CALCR: variants seen among roughly 807,000 people sequenced by gnomAD.
CALCR encodes calcitonin receptor.
CALCR carries 47 observed loss-of-function variants against 59.5 expected under a neutral mutation model. The observed-to-expected ratio is 0.79, with a 90% CI of 0.63 to 1.01. The LOEUF (loss-of-function observed/expected upper bound fraction) is 1.01. Ranked by LOEUF, CALCR falls within the 50% of genes least tolerant of loss-of-function variation. The pLI is 0.00. For synonymous variants in CALCR, 213 were observed against 211.3 expected, an observed-to-expected ratio of 1.01 and a Z score of -0.07; for missense variants, 566 against 597.1, an observed-to-expected ratio of 0.95 and a Z score of 0.54.
chr7:93,554,739 A>G (rs1789547382), intron 2 of CALCR, among the ~76,000 whole-genome samples: 1 of 145,284 alleles, frequency 6.9e-6, no homozygotes, highest in South Asian at 2.1e-4. Flanking sequence ...CTGAAAGCAA[A>G]GATGATAGAT....
intron 2 of CALCR, among the ~76,000 whole-genome samples, chr7:93,564,348 A>C (rs1224843323): frequency 6.6e-6 from 1 of 152,162 alleles, no homozygotes; most frequent in African/African-American, 2.4e-5. Flanking sequence ...GAGGCAGTGG[A>C]TATTAAGCTT....
intron 2 of CALCR, among the ~76,000 whole-genome samples, chr7:93,500,930 T>C (rs902301584): frequency 2.0e-5 from 3 of 152,020 alleles, no homozygotes; most frequent in African/African-American, 7.2e-5. Flanking sequence ...CAAACTTTCC[T>C]TTTCTTCCTA....
intron 2 of CALCR, among the ~76,000 whole-genome samples, chr7:93,506,198 A>G (rs1303930825): frequency 6.6e-6 from 1 of 152,118 alleles, no homozygotes; most frequent in Non-Finnish European, 1.5e-5. Context: ...CCAGTTATTT[A>G]CCCCAGAAAA....
chr7:93,460,562 A>ATATATAT (rs1305307735), intron 8 of CALCR, among the ~76,000 whole-genome samples: 19 of 85,766 alleles, frequency 2.2e-4, no homozygotes, highest in African/African-American at 1.6e-3. Flanking sequence ...TCTAAAAAAA[A>ATATATAT]AAAAAAAAAA....
rs377195641 is a variant in CALCR at position 93,506,362 on chromosome 7, A to G, written c.-26-19355T>C. On this transcript the variant is annotated intron_variant, in intron 2 of 13. Transcript: ENST00000426151. ...TTAAAGACCAATTTCATGGTTTCTC[A>G]TCCATATTCTCCTGCAGGTGTGTTT... Among the ~76,000 whole-genome samples the G allele has an allele frequency of 2.0e-5, 3 of 152,216 alleles. No individual in the cohort carries two copies. The South Asian group carries it at 6.2e-4, about 32-fold the overall frequency.
chr7:93,513,530 T>C (rs1801592573), intron 2 of CALCR, among the ~76,000 whole-genome samples: 2 of 152,076 alleles, frequency 1.3e-5, no homozygotes, highest in South Asian at 4.1e-4. Context: ...AAATGTAATG[T>C]TTTCTAGAAG....
rs777158847 is a variant in CALCR, at chr7:93,436,080, C to G, written c.1021G>C (p.Ala341Pro). Residue 341 changes from alanine (A) to proline (P), a missense_variant, in exon 12 of 14, where the codon GCT (alanine) becomes CCT (proline). By Grantham distance (27) the Ala-to-Pro change is conservative. Transcript: ENST00000426151. ...ACAAGGATCATGGTGGCCTTCACAG[C>G]CTTCAGGTACATGTGGGATTCCGCC... is the stretch of plus-strand genomic sequence containing the variant. ...HEAESHMYLK[A>P]VKATMILVPL... is the part of the protein sequence containing the mutation. 3 of 1,613,988 alleles carry G rather than the reference C, an allele frequency of 1.9e-6. No individual in the cohort carries two copies. Among genetic ancestry groups the G allele is most frequent in the South Asian group, 2.2e-5 (2 of 91,088 alleles).
chr7:93,474,773 A>G (rs1165776481), intron 5 of CALCR, among the ~76,000 whole-genome samples: 1 of 151,784 alleles, frequency 6.6e-6, no homozygotes. Flanking sequence ...CAAAATTTTA[A>G]TCTTTGATCA....
At chr7:93,524,817 C>T (rs960469916) in intron 2 of CALCR, among the ~76,000 whole-genome samples, 1 of 152,102 alleles carries the variant, frequency 6.6e-6, no homozygotes, top group Admixed American at 6.6e-5. Context: ...CCCAAAGATA[C>T]TTATCATAAA....
At chr7:93,501,761 A>G (rs1305439596) in intron 2 of CALCR, among the ~76,000 whole-genome samples, 2 of 152,104 alleles carry the variant, frequency 1.3e-5, no homozygotes, top group Non-Finnish European at 1.5e-5. Flanking sequence ...AATGAGCTGA[A>G]TTGAAATAAC....
At chr7:93,528,428 T>A (rs1446907451) in intron 2 of CALCR, among the ~76,000 whole-genome samples, 4 of 152,124 alleles carry the variant, frequency 2.6e-5, no homozygotes, top group African/African-American at 9.7e-5. Context: ...CCCTCCCCTC[T>A]TCCCCCAGCC....
At chr7:93,472,825 C>A (rs1259805637) in intron 5 of CALCR, among the ~76,000 whole-genome samples, 1 of 151,784 alleles carries the variant, frequency 6.6e-6, no homozygotes. Flanking sequence ...GCTACCTATA[C>A]TCTACCTCAT....
At position 93,459,070 on chromosome 7, in the gene CALCR, T is replaced by C. The variant is rs533369585; in HGVS notation, c.648+1751A>G. Among the ~76,000 whole-genome samples, 71 of 152,262 alleles carry C rather than the reference T, an allele frequency of 4.7e-4. 2 individuals are homozygous for C. The highest frequency in any genetic ancestry group is 1.6e-3 in the African/African-American group (68 of 41,558). ...ATGAAAATATTTACTGAGGGCAAAA[T>C]AACTATTAAATAATAGAGGCTGCAA... On this transcript the variant is annotated intron_variant, in intron 8 of 13. Transcript: ENST00000426151.
In CALCR at chr7:93,560,249, G is replaced by A. The variant is rs149456389; in HGVS notation, c.-27+14040C>T. On this transcript the variant is annotated intron_variant, in intron 2 of 13. Coordinates refer to ENST00000426151, the MANE Select transcript of CALCR (RefSeq NM_001742.4). ...GATGAAAATAAAGCTTTTTACTAAG[G>A]AATCAGTGACACACCCACTTTTTCT... Among the ~76,000 whole-genome samples the A allele has an allele frequency of 8.6e-5, 13 of 152,006 alleles. No individual in the cohort carries two copies. The East Asian group carries it at 2.5e-3, about 29-fold the overall frequency.
intron 8 of CALCR, among the ~76,000 whole-genome samples, chr7:93,449,479 A>T (rs945005679): frequency 6.6e-6 from 1 of 151,978 alleles, no homozygotes; most frequent in African/African-American, 2.4e-5. Flanking sequence ...TTTCTACCTG[A>T]TTCATCACCT....
At chr7:93,453,762 G>A (rs1800154948) in intron 8 of CALCR, among the ~76,000 whole-genome samples, 1 of 151,894 alleles carries the variant, frequency 6.6e-6, no homozygotes, top group African/African-American at 2.4e-5. Flanking sequence ...TTGGGTATAT[G>A]TTTATATCCA....
chr7:93,485,683 A>C (rs1800926933), intron 3 of CALCR, among the ~76,000 whole-genome samples: 2 of 151,620 alleles, frequency 1.3e-5, no homozygotes, highest in Admixed American at 6.6e-5. Context: ...ATATTCTATT[A>C]GTTTCCATAG....
chr7:93,510,077 T>C (rs1053072709), intron 2 of CALCR, among the ~76,000 whole-genome samples: 5 of 152,216 alleles, frequency 3.3e-5, no homozygotes, highest in African/African-American at 1.2e-4. Context: ...AGATTTTTTT[T>C]CTTTGTATAA....
chr7:93,463,081 A>G (rs1393828083), intron 7 of CALCR, among the ~76,000 whole-genome samples: 12 of 151,892 alleles, frequency 7.9e-5, no homozygotes, highest in Admixed American at 2.0e-4. Context: ...CAGTACACCA[A>G]AGAATTACAT....
Sources: gnomAD v4.1 joint callset for allele counts (sites outside exome capture counted in the v4.1 genomes callset) on GRCh38, gnomAD v4.1.1 for gene constraint, MANE v1.5 for transcripts, NCBI Gene and HGNC (gene_info 2026-07-23, HGNC 2026-07-21) for gene names.